SLC37A3: variants seen among roughly 807,000 people sequenced by gnomAD.
SLC37A3 encodes the protein sugar phosphate exchanger 3.
SLC37A3 carries 51 observed loss-of-function variants against 67.1 expected under a neutral mutation model. The ratio of observed to expected loss-of-function variants is 0.76; its 90% CI spans 0.61 to 0.96. The LOEUF is 0.96. SLC37A3 is among the 40% of genes least tolerant of loss of function. The probability of loss-of-function intolerance (pLI) is 0.00; values close to 1 mark genes in which losing one functional copy is unlikely to be tolerated. For synonymous variants in SLC37A3, 214 were observed against 231.4 expected (o/e 0.92, Z 0.68); for missense variants, 508 against 603.0 (o/e 0.84, Z 1.65).
intron 13 of SLC37A3, among the ~76,000 whole-genome samples, chr7:140,338,521 G>A (rs28813703): frequency 0.097 from 14,704 of 152,098 alleles, 1,771 homozygotes; most frequent in African/African-American, 0.29. Flanking sequence ...ACCTAGGCTG[G>A]AGTGCAGTGG....
intron 12 of SLC37A3, chr7:140,344,086 GTAGA>G: frequency 6.1e-6 from 1 of 164,528 alleles, no homozygotes; most frequent in Non-Finnish European, 1.3e-5. Flanking sequence ...TGTACCCCAA[GTAGA>G]ATGAGCAGCT....
intron 11 of SLC37A3, among the ~76,000 whole-genome samples, chr7:140,345,567 T>C (rs1482983041): frequency 1.3e-5 from 2 of 152,212 alleles, no homozygotes; most frequent in East Asian, 3.9e-4. Flanking sequence ...GTTCCCTTTT[T>C]ATTGTTTTAT....
chr7:140,352,409 T>C (rs1353059229), intron 7 of SLC37A3, among the ~76,000 whole-genome samples: 2 of 152,220 alleles, frequency 1.3e-5, no homozygotes, highest in Admixed American at 6.5e-5. Context: ...GGTACTGTTA[T>C]GATTGTGAAA....
chr7:140,392,842 A>G (rs1053969046), intron 1 of SLC37A3, among the ~76,000 whole-genome samples: 11 of 152,140 alleles, frequency 7.2e-5, no homozygotes, highest in Non-Finnish European at 1.5e-4. Flanking sequence ...CTGTAATCTC[A>G]GCATTTTGGG....
intron 3 of SLC37A3, among the ~76,000 whole-genome samples, chr7:140,378,863 A>G (rs1181969893): frequency 3.3e-5 from 5 of 151,920 alleles, no homozygotes; most frequent in African/African-American, 7.2e-5. Context: ...CTTGGCCAAC[A>G]TGGCGAAACC....
At chr7:140,335,638 T>C in intron 14 of SLC37A3, 134 bp from the exon 15 acceptor site, 1 of 1,124,328 alleles carries the variant, frequency 8.9e-7, no homozygotes, top group East Asian at 2.5e-5. Context: ...TAATCTTCAA[T>C]GAATTAGAAA....
chr7:140,355,794 G>A (rs1026133441), intron 6 of SLC37A3, 30 bp from the exon 7 acceptor site: 3 of 1,585,496 alleles, frequency 1.9e-6, no homozygotes, highest in Non-Finnish European at 2.6e-6. Context: ...GAGACAAAGG[G>A]CCATGGTCAG....
rs540977158 is a variant in SLC37A3, at chr7:140,343,630, A to C, written c.1175-67T>G. 2.0e-6 allele frequency: 3 copies of C among 1,502,762 alleles called. No homozygotes were observed. The African/African-American group carries it at 4.2e-5, about 21-fold the overall frequency. 93.1% of individuals were successfully genotyped at this position (1,502,762 alleles called of 1,614,324 possible). On this transcript the variant is annotated intron_variant, in intron 12 of 14. Coordinates refer to ENST00000326232, the MANE Select transcript of SLC37A3 (RefSeq NM_207113.3). ...CCACTAGCAATCTACTGCATAAGGC[A>C]AAATAATATCCGAATAGTTTTCTTA... is the stretch of plus-strand genomic sequence containing the variant.
At chr7:140,376,077 C>G (rs1381778215) in intron 3 of SLC37A3, among the ~76,000 whole-genome samples, 1 of 145,694 alleles carries the variant, frequency 6.9e-6, no homozygotes, top group African/African-American at 2.7e-5. Flanking sequence ...CTTTACTCCT[C>G]CAAGAAGTTA....
At chr7:140,361,105 G>T (rs1196103468) in intron 5 of SLC37A3, among the ~76,000 whole-genome samples, 3 of 152,022 alleles carry the variant, frequency 2.0e-5, no homozygotes, top group African/African-American at 7.2e-5. Flanking sequence ...GCTTGAAGGA[G>T]ACTGTGAGTT....
intron 1 of SLC37A3, among the ~76,000 whole-genome samples, chr7:140,395,099 C>T (rs1044398314): frequency 2.6e-5 from 4 of 151,890 alleles, no homozygotes; most frequent in Non-Finnish European, 5.9e-5. Context: ...GCTATAAAGC[C>T]GGGCACAGTG....
intron 10 of SLC37A3, among the ~76,000 whole-genome samples, chr7:140,347,968 G>GT (rs1796633477): frequency 1.3e-5 from 2 of 152,182 alleles, no homozygotes; most frequent in Admixed American, 1.3e-4. Flanking sequence ...TACATACTAT[G>GT]TTTTTTTCTA....
chr7:140,348,176 TCTTC>T (rs2117059389), intron 10 of SLC37A3, among the ~76,000 whole-genome samples: 1 of 152,346 alleles, frequency 6.6e-6, no homozygotes, highest in Admixed American at 6.5e-5. Context: ...ACTGGTGTAT[TCTTC>T]CTTATTAGGC....
intron 10 of SLC37A3, among the ~76,000 whole-genome samples, chr7:140,348,298 C>T (rs939193151): frequency 6.6e-6 from 1 of 151,930 alleles, no homozygotes; most frequent in South Asian, 2.1e-4. Context: ...CTGAGAAAGC[C>T]GTATGAAAGG....
In SLC37A3 at chr7:140,335,359, C is replaced by T. The variant is rs1796091088; in HGVS notation, c.*53G>A. ...AACCCAAATTAGGGCAGACTCGAAGCCCCAGCGGTCCTGATGTGGCTGACA... is the reference window on the plus strand; with the variant it reads ...AACCCAAATTAGGGCAGACTCGAAGTCCCAGCGGTCCTGATGTGGCTGACA... On this transcript the variant is annotated 3_prime_UTR_variant, in exon 15 of 15. Coordinates refer to ENST00000326232, the MANE Select transcript of SLC37A3 (RefSeq NM_207113.3). The T allele has an allele frequency of 1.2e-6, 2 of 1,614,110 alleles. No homozygotes were observed. Among genetic ancestry groups the T allele is most frequent in the Non-Finnish European group, 1.7e-6 (2 of 1,180,032 alleles).
Position 140,384,196 on chromosome 7 carries a change from G to A in SLC37A3, c.-70-1600C>T, listed in dbSNP as rs553976781. On this transcript the variant is annotated intron_variant, in intron 1 of 14. Coordinates refer to ENST00000326232, the MANE Select transcript of SLC37A3 (RefSeq NM_207113.3). Reference sequence around the variant, plus strand: ...TCATTTGTCACGAAGACTTTTTAATGACATGAGAAAATGTCAAGTGAAAAA... The same window carrying A: ...TCATTTGTCACGAAGACTTTTTAATAACATGAGAAAATGTCAAGTGAAAAA... Among the ~76,000 whole-genome samples, 3 of 152,200 alleles carry A rather than the reference G, an allele frequency of 2.0e-5. No homozygotes were observed. The South Asian group carries it at 6.2e-4, about 32-fold the overall frequency.
intron 4 of SLC37A3, among the ~76,000 whole-genome samples, chr7:140,365,349 C>A (rs373564862): frequency 6.6e-6 from 1 of 152,034 alleles, no homozygotes; most frequent in South Asian, 2.1e-4. Context: ...AATCCTAGCA[C>A]TTTGGGAGCG....
chr7:140,362,673 TGGG>T (rs781223629), intron 5 of SLC37A3, among the ~76,000 whole-genome samples: 199 of 15,374 alleles, frequency 0.013, 1 homozygote, highest in Non-Finnish European at 0.017. Flanking sequence ...GGGAGGGAGG[TGGG>T]GGGGGGGGTC....
Position 140,358,756 on chromosome 7 carries a change from C to G in SLC37A3, c.405G>C (p.Trp135Cys). The change falls in exon 6 of 15, where the codon TGG becomes TGC. Residue 135 changes from tryptophan (W) to cysteine (C), a missense_variant. Trp to Cys is a radical substitution (Grantham distance 215). Transcript: ENST00000326232. ...VVFVFGALTEWLRFYNKWLYC... is the reference protein window; with the variant it reads ...VVFVFGALTECLRFYNKWLYC... ...ACAGCCATTTGTTGTAGAAACGCAG[C>G]CATTCTGTGAGCGCACCAAAGACAA... The G allele has an allele frequency of 6.2e-7, 1 of 1,614,094 alleles. No homozygotes were observed. Among genetic ancestry groups the G allele is most frequent in the Non-Finnish European group, 8.5e-7 (1 of 1,180,014 alleles).
Sources: allele counts gnomAD v4.1 joint callset (sites outside exome capture counted in the v4.1 genomes callset), GRCh38; gene constraint gnomAD v4.1.1; transcripts MANE v1.5; gene names NCBI Gene and HGNC (gene_info 2026-07-23, HGNC 2026-07-21).